The following KIAA1217 variants were observed in gnomAD, a reference collection of about 807,000 sequenced individuals.
The protein encoded by KIAA1217 is sickle tail protein homolog.
A neutral mutation model predicts 163.9 loss-of-function variants in KIAA1217; 88 were observed. The ratio of observed to expected loss-of-function variants is 0.54; its 90% CI spans 0.45 to 0.64. The LOEUF is 0.64. Ranked by LOEUF, KIAA1217 falls within the 30% of genes least tolerant of loss-of-function variation. The probability of loss-of-function intolerance (pLI) is 0.00; values close to 1 mark genes in which losing one functional copy is unlikely to be tolerated. For missense variants in KIAA1217, 2,372 were observed against 2,475.0 expected, an observed-to-expected ratio of 0.96 and a Z score of 0.88; for synonymous variants, 903 against 923.1, an observed-to-expected ratio of 0.98 and a Z score of 0.39.
At chr10:23,870,380 T>C (rs1190323303) in intron 1 of KIAA1217, among the ~76,000 whole-genome samples, 1 of 151,764 alleles carries the variant, frequency 6.6e-6, no homozygotes, top group Non-Finnish European at 1.5e-5. Flanking sequence ...TATTTTCATA[T>C]TCTAGATCTT....
intron 1 of KIAA1217, among the ~76,000 whole-genome samples, chr10:23,727,405 CA>C (rs1838223322): frequency 6.6e-6 from 1 of 152,008 alleles, no homozygotes; most frequent in East Asian, 2.0e-4. Context: ...ACTAAAAATA[CA>C]AAAATTAGCT....
At chr10:23,830,231 C>A (rs913472489) in intron 1 of KIAA1217, among the ~76,000 whole-genome samples, 2 of 152,108 alleles carry the variant, frequency 1.3e-5, no homozygotes, top group East Asian at 1.9e-4. Flanking sequence ...AAGAAGAATT[C>A]TTTGCAGTCA....
At chr10:24,290,026 C>A (rs1006308092) in intron 2 of KIAA1217, among the ~76,000 whole-genome samples, 1 of 152,096 alleles carries the variant, frequency 6.6e-6, no homozygotes, top group South Asian at 2.1e-4. Flanking sequence ...AGCAACAGTT[C>A]CGAGTGATAC....
intron 2 of KIAA1217, among the ~76,000 whole-genome samples, chr10:24,306,576 C>T (rs1330715926): frequency 6.6e-6 from 1 of 152,152 alleles, no homozygotes; most frequent in Non-Finnish European, 1.5e-5. Context: ...GACTTGCGGG[C>T]AGCTGTCTTT....
chr10:24,365,782 TG>T (rs1409021851), intron 2 of KIAA1217, among the ~76,000 whole-genome samples: 1 of 152,206 alleles, frequency 6.6e-6, no homozygotes, highest in Non-Finnish European at 1.5e-5. Context: ...ACCTGTTGTT[TG>T]GCTTTTTGGC....
intron 1 of KIAA1217, among the ~76,000 whole-genome samples, chr10:23,704,921 G>A (rs1347229601): frequency 1.3e-5 from 2 of 152,082 alleles, no homozygotes; most frequent in African/African-American, 4.8e-5. Flanking sequence ...CATTCTTGCT[G>A]TCAATATGAG....
At chr10:24,017,159 C>G (rs1458341540) in intron 2 of KIAA1217, among the ~76,000 whole-genome samples, 1 of 150,892 alleles carries the variant, frequency 6.6e-6, no homozygotes, top group African/African-American at 2.4e-5. Context: ...CTCAAGTGAA[C>G]CTCCCACCTT....
chr10:24,287,415 C>T (rs912687749), intron 2 of KIAA1217, among the ~76,000 whole-genome samples: 8 of 152,104 alleles, frequency 5.3e-5, no homozygotes, highest in African/African-American at 1.9e-4. Flanking sequence ...AAAACAGCCA[C>T]GTTCATCTTT....
intron 6 of KIAA1217, among the ~76,000 whole-genome samples, chr10:24,491,345 A>C (rs892156099): frequency 7.8e-6 from 1 of 128,984 alleles, no homozygotes; most frequent in Non-Finnish European, 1.5e-5. Context: ...GCTGGAGTGC[A>C]GTGGTGCAAT....
rs571216728 is a variant in KIAA1217 at position 23,715,362 on chromosome 10, T to A, written c.-321+20128T>A. Among the ~76,000 whole-genome samples, 39 of 152,284 alleles carry A rather than the reference T, an allele frequency of 2.6e-4. No homozygotes were observed. In the South Asian group the frequency reaches 7.9e-3, roughly 31 times the overall value. On this transcript the variant is annotated intron_variant, in intron 1 of 18. Transcript: ENST00000376462. ...ACACTTGTTAAGCCAATGAAGGAAG[T>A]AAAGAAGTGAAAAAAATTGATGAAA...
chr10:24,543,592 A>G lies in KIAA1217; in HGVS notation c.4322A>G (p.Lys1441Arg). Residue 1441 changes from lysine to arginine, a missense_variant, in exon 19 of 21, where the codon AAA (lysine) becomes AGA (arginine). By Grantham distance (26) the Lys-to-Arg change is conservative. Transcript: ENST00000376454. ...GATCCAGTCGTGTGCCTGGACAAGAAACCAGTGATCATCATTTTCGATGAG... is the reference window on the plus strand; with the variant it reads ...GATCCAGTCGTGTGCCTGGACAAGAGACCAGTGATCATCATTTTCGATGAG... ...NEDPVVCLDK[K>R]PVIIIFDEPM... is the part of the protein sequence containing the mutation. 1 of 1,614,158 alleles carries G rather than the reference A, an allele frequency of 6.2e-7. No individual in the cohort carries two copies. Among genetic ancestry groups the G allele is most frequent in the South Asian group, 1.1e-5 (1 of 91,062 alleles).
chr10:24,158,670 TA>T, intron 2 of KIAA1217: 1 of 514,282 alleles, frequency 1.9e-6, no homozygotes, highest in South Asian at 1.5e-5. Flanking sequence ...AAAGTACTCC[TA>T]GGATTTCTGC....
chr10:24,132,863 T>C (rs1369567258), intron 2 of KIAA1217, among the ~76,000 whole-genome samples: 1 of 152,158 alleles, frequency 6.6e-6, no homozygotes, highest in Non-Finnish European at 1.5e-5. Flanking sequence ...AACAGTACCA[T>C]TTTGAGAACT....
At chr10:24,051,624 T>C (rs554396750) in intron 2 of KIAA1217, among the ~76,000 whole-genome samples, 2 of 152,306 alleles carry the variant, frequency 1.3e-5, no homozygotes, top group South Asian at 2.1e-4. Flanking sequence ...CATCTGTTAT[T>C]TCTTTATTTT....
chr10:24,039,882 TG>T (rs1437453618), intron 2 of KIAA1217, among the ~76,000 whole-genome samples: 3 of 152,172 alleles, frequency 2.0e-5, no homozygotes, highest in Non-Finnish European at 4.4e-5. Context: ...TGGAGAACCC[TG>T]ACTAGTACAA....
chr10:24,320,125 A>C (rs945725758), intron 2 of KIAA1217, among the ~76,000 whole-genome samples: 5 of 152,206 alleles, frequency 3.3e-5, no homozygotes, highest in African/African-American at 1.2e-4. Flanking sequence ...GCATCTATTA[A>C]ATTTTTATTT....
At chr10:23,893,941 C>A (rs11013772) in intron 1 of KIAA1217, among the ~76,000 whole-genome samples, 34,424 of 150,270 alleles carry the variant, frequency 0.23, 4,049 homozygotes, top group Middle Eastern at 0.32. Flanking sequence ...ATTCAACAAC[C>A]CTTCATGCTA....
intron 1 of KIAA1217, among the ~76,000 whole-genome samples, chr10:23,908,909 G>T (rs1254738627): frequency 1.3e-5 from 2 of 151,882 alleles, no homozygotes; most frequent in Non-Finnish European, 2.9e-5. Flanking sequence ...AGGAAAAGAA[G>T]ACATTATACA....
chr10:24,324,026 G>A (rs1364074111), intron 2 of KIAA1217, among the ~76,000 whole-genome samples: 1 of 152,026 alleles, frequency 6.6e-6, no homozygotes, highest in Non-Finnish European at 1.5e-5. Context: ...CAGCAATTTG[G>A]GAGGCCAAGG....
Sources: gnomAD v4.1 joint callset for allele counts (sites outside exome capture counted in the v4.1 genomes callset) on GRCh38, gnomAD v4.1.1 for gene constraint, MANE v1.5 for transcripts, NCBI Gene and HGNC (gene_info 2026-07-23, HGNC 2026-07-21) for gene names.